The following SORCS3 variants were observed in gnomAD, a reference collection of about 807,000 sequenced individuals.
The protein encoded by SORCS3 is sortilin related VPS10 domain containing receptor 3.
SORCS3 carries 57 observed loss-of-function variants against 146.3 expected under a neutral mutation model. The observed-to-expected ratio is 0.39, with a 90% CI of 0.31 to 0.49. The LOEUF is 0.49. Among genes scored for constraint, SORCS3 ranks in the 20% least tolerant of loss-of-function variants. SORCS3 has a pLI of 0.92. For synonymous variants in SORCS3, 653 were observed against 618.5 expected (o/e 1.06, Z -0.83); for missense variants, 1,341 against 1,575.5 (o/e 0.85, Z 2.52).
intron 2 of SORCS3, among the ~76,000 whole-genome samples, chr10:104,878,026 A>G (rs1344546936): frequency 6.6e-6 from 1 of 152,186 alleles, no homozygotes; most frequent in Non-Finnish European, 1.5e-5. Context: ...ATCTCAGTGC[A>G]TATGTGGAAT....
intron 3 of SORCS3, among the ~76,000 whole-genome samples, chr10:104,942,810 G>A (rs2019334091): frequency 1.3e-5 from 2 of 152,160 alleles, no homozygotes; most frequent in South Asian, 4.1e-4. Context: ...TTTTTAAGAA[G>A]CCAAAAACCT....
chr10:104,899,282 C>A (rs975960154), intron 2 of SORCS3, among the ~76,000 whole-genome samples: 2 of 152,214 alleles, frequency 1.3e-5, no homozygotes, highest in African/African-American at 4.8e-5. Context: ...TTAAAACTTA[C>A]AGACTCACAC....
intron 3 of SORCS3, among the ~76,000 whole-genome samples, chr10:104,939,705 C>T (rs2019293221): frequency 6.6e-6 from 1 of 152,146 alleles, no homozygotes; most frequent in South Asian, 2.1e-4. Flanking sequence ...TGATGGGTCT[C>T]CAAACTGACT....
intron 1 of SORCS3, among the ~76,000 whole-genome samples, chr10:104,664,279 CG>C (rs2015740283): frequency 6.6e-6 from 1 of 152,004 alleles, no homozygotes; most frequent in Admixed American, 6.6e-5. Flanking sequence ...TAAACAGGAG[CG>C]GGGCTTAAGG....
intron 7 of SORCS3, among the ~76,000 whole-genome samples, chr10:105,127,218 A>G (rs943304550): frequency 6.7e-6 from 1 of 148,154 alleles, no homozygotes; most frequent in Admixed American, 6.7e-5. Context: ...TCCTGCAGGA[A>G]AGCAAGCTCT....
intron 1 of SORCS3, among the ~76,000 whole-genome samples, chr10:104,718,383 A>G (rs2016504844): frequency 6.6e-6 from 1 of 152,110 alleles, no homozygotes; most frequent in Admixed American, 6.5e-5. Flanking sequence ...TTCCCTCCAT[A>G]ATGACATTCA....
chr10:105,121,217 CAG>C (rs2055930104), intron 7 of SORCS3, among the ~76,000 whole-genome samples: 1 of 152,174 alleles, frequency 6.6e-6, no homozygotes, highest in African/African-American at 2.4e-5. Context: ...AATCAACAAA[CAG>C]AAAGAATTGT....
chr10:104,682,515 T>C (rs2015991287), intron 1 of SORCS3, among the ~76,000 whole-genome samples: 1 of 152,202 alleles, frequency 6.6e-6, no homozygotes, highest in South Asian at 2.1e-4. Flanking sequence ...TAGCTTTTAT[T>C]TTTAAAAGTA....
intron 1 of SORCS3, among the ~76,000 whole-genome samples, chr10:104,651,744 T>C (rs1371391155): frequency 1.3e-5 from 2 of 151,984 alleles, no homozygotes; most frequent in African/African-American, 4.8e-5. Context: ...TTTGGAGATC[T>C]GTTGGTACTC....
intron 2 of SORCS3, among the ~76,000 whole-genome samples, chr10:104,908,601 G>C (rs1417619288): frequency 6.6e-6 from 1 of 152,062 alleles, no homozygotes; most frequent in African/African-American, 2.4e-5. Context: ...CAGTCTGCTT[G>C]TTTTCTTTAT....
chr10:104,700,241 A>T (rs1169117856), intron 1 of SORCS3, among the ~76,000 whole-genome samples: 1 of 152,236 alleles, frequency 6.6e-6, no homozygotes, highest in African/African-American at 2.4e-5. Context: ...AATGAAACTC[A>T]AACCTTAACC....
chr10:105,081,879 C>A (rs953741002), intron 5 of SORCS3, among the ~76,000 whole-genome samples: 96 of 152,264 alleles, frequency 6.3e-4, no homozygotes, highest in African/African-American at 2.0e-3. Context: ...GGAAGGCGAA[C>A]AATCTACAAG....
chr10:104,810,898 G>A (rs1349788985), intron 1 of SORCS3, among the ~76,000 whole-genome samples: 6 of 152,182 alleles, frequency 3.9e-5, no homozygotes, highest in South Asian at 4.2e-4. Flanking sequence ...AGTGCCTAGG[G>A]AGAAATAAAA....
chr10:105,164,213 AC>A (rs2056292578), intron 11 of SORCS3, 89 bp from the exon 12 acceptor site: 1 of 923,612 alleles, frequency 1.1e-6, no homozygotes, highest in Non-Finnish European at 1.8e-6. Context: ...CACTTAGAAA[AC>A]CTTTACTCTC....
intron 20 of SORCS3, among the ~76,000 whole-genome samples, chr10:105,235,698 CCA>C (rs367798165): frequency 1.6e-4 from 25 of 151,940 alleles, no homozygotes; most frequent in African/African-American, 6.0e-4. Flanking sequence ...TAACTTATCC[CCA>C]GTCTTTTTTA....
chr10:104,858,690 C>T (rs10786832), intron 2 of SORCS3, among the ~76,000 whole-genome samples: 53,393 of 149,328 alleles, frequency 0.36, 10,944 homozygotes, highest in East Asian at 0.72. Context: ...GGTGTGATCT[C>T]GGCTCACTGA....
intron 1 of SORCS3, among the ~76,000 whole-genome samples, chr10:104,720,161 G>A (rs998975154): frequency 5.3e-5 from 8 of 150,714 alleles, no homozygotes; most frequent in Non-Finnish European, 1.2e-4. Flanking sequence ...AGTGTGTCAT[G>A]TTCCCCTTCC....
At chr10:105,200,216 T>C (rs2056566568) in intron 15 of SORCS3, 100 bp downstream of exon 15, 1 of 878,142 alleles carries the variant, frequency 1.1e-6, no homozygotes, top group Non-Finnish European at 1.8e-6. Flanking sequence ...GGGAGGAAGG[T>C]AGTGGGTCAT....
intron 1 of SORCS3, among the ~76,000 whole-genome samples, chr10:104,742,503 T>C (rs1039048089): frequency 3.9e-5 from 6 of 152,066 alleles, no homozygotes; most frequent in Admixed American, 2.0e-4. Flanking sequence ...AGGATACCAG[T>C]AGGTAGTGGC....
Sources: allele counts gnomAD v4.1 joint callset (sites outside exome capture counted in the v4.1 genomes callset), GRCh38; gene constraint gnomAD v4.1.1; transcripts MANE v1.5; gene names NCBI Gene and HGNC (gene_info 2026-07-23, HGNC 2026-07-21).